Variants in COL12A1 observed in about 807,000 individuals in gnomAD.
COL12A1 encodes the protein collagen alpha-1(XII) chain.
In COL12A1, 114 loss-of-function variants were observed where a neutral mutation model predicts 349.7. That is an observed-to-expected ratio of 0.33 (90% CI 0.28 to 0.38). The LOEUF is 0.38. Among genes scored for constraint, COL12A1 ranks in the 10% least tolerant of loss-of-function variants. COL12A1 has a pLI of 1.00. For missense variants in COL12A1, 3,284 were observed against 3,756.9 expected (o/e 0.87, Z 3.29); for synonymous variants, 1,369 against 1,329.0 (o/e 1.03, Z -0.66).
At chr6:75,201,605 C>G (rs1165631968) in intron 2 of COL12A1, among the ~76,000 whole-genome samples, 2 of 151,360 alleles carry the variant, frequency 1.3e-5, no homozygotes, top group Non-Finnish European at 2.9e-5. Flanking sequence ...CCTCCCTTAA[C>G]TTCATCAGGG....
intron 59 of COL12A1, among the ~76,000 whole-genome samples, chr6:75,095,563 G>A (rs967762315): frequency 1.3e-5 from 2 of 148,872 alleles, no homozygotes; most frequent in South Asian, 2.1e-4. Context: ...CTTGCAGTGA[G>A]CCGAGATTGC....
chr6:75,108,991 C>A (rs767800132), intron 52 of COL12A1, 27 bp downstream of exon 52: 1 of 1,597,952 alleles, frequency 6.3e-7, no homozygotes, highest in Admixed American at 1.8e-5. Flanking sequence ...CACAAGGTAC[C>A]AAGAGAAATA....
chr6:75,124,398 T>C (rs563603881), intron 40 of COL12A1, 27 bp from the exon 41 acceptor site: 1 of 1,515,842 alleles, frequency 6.6e-7, no homozygotes, highest in Non-Finnish European at 9.0e-7. Flanking sequence ...GAAAGAGATT[T>C]ACTTTGTAAA....
rs1405479182 is a variant in COL12A1, at chr6:75,138,597, A to G, written c.5098-17T>C. ...TAAGATGGTCTTGGAGAAAGAGGAC[A>G]AAAACATACCCACGCAAAAGTAAGT... On this transcript the variant is annotated splice_polypyrimidine_tract_variant and intron_variant, in intron 28 of 65. Transcript: ENST00000322507. The G allele has an allele frequency of 6.2e-7, 1 of 1,612,030 alleles. No individual in the cohort carries two copies. The highest frequency in any genetic ancestry group is 8.5e-7 in the Non-Finnish European group (1 of 1,179,258).
rs1380463587 is a variant in COL12A1 at position 75,134,708 on chromosome 6, A to G, written c.5524+18T>C. 1 of 1,586,234 alleles carries G rather than the reference A, an allele frequency of 6.3e-7. No homozygotes were observed. The highest frequency in any genetic ancestry group is 1.3e-5 in the African/African-American group (1 of 74,628). ...TAGTAGCTATTAAAGAAGCTATAGG[A>G]ACTCAGGTTTCACTTACTGGTCTTG... is the stretch of plus-strand genomic sequence containing the variant. On this transcript the variant is annotated intron_variant, in intron 32 of 65. Transcript: ENST00000322507.
intron 49 of COL12A1, 132 bp downstream of exon 49, chr6:75,115,651 GA>G (rs1239301208): frequency 8.4e-7 from 1 of 1,186,158 alleles, no homozygotes; most frequent in Non-Finnish European, 1.2e-6. Context: ...CTGTATTTAA[GA>G]AAACCAATCA....
In COL12A1 at chr6:75,201,629, GA is replaced by G. The variant is rs199919591; in HGVS notation, c.73+1090del. ...ACTTCATCAGGGGTATTTCTTTACT[GA>G]AAAAAAAAAAAGATATCTTTCATGA... is the stretch of plus-strand genomic sequence containing the variant. On this transcript the variant is annotated intron_variant, in intron 2 of 65. Transcript: ENST00000322507. Among the ~76,000 whole-genome samples, 602 of 140,068 alleles carry G rather than the reference GA, an allele frequency of 4.3e-3. 3 individuals are homozygous for G. Among genetic ancestry groups the G allele is most frequent in the African/African-American group, 0.013 (503 of 38,684 alleles). The allele number at this position is 140,068 out of a possible 152,430, so 91.9% of individuals were successfully genotyped here.
Position 75,109,214 on chromosome 6 carries a change from A to G in COL12A1, c.7951-47T>C, listed in dbSNP as rs750342825. On this transcript the variant is annotated intron_variant, in intron 51 of 65. Coordinates refer to ENST00000322507, the MANE Select transcript of COL12A1 (RefSeq NM_004370.6). ...ATTATAAAATTTCTACACTAAAAAA[A>G]TTAGCTGACTCTGCATAGTTTAGAT... 6 of 1,359,184 alleles carry G rather than the reference A, an allele frequency of 4.4e-6. No individual in the cohort carries two copies. In the South Asian group the frequency reaches 8.0e-5, roughly 18 times the overall value. 84.2% of individuals were successfully genotyped at this position (1,359,184 alleles called of 1,614,324 possible). A position where few individuals can be genotyped will look rare whatever the true frequency, so the allele number is the denominator to read the frequency against.
At chr6:75,086,590 G>C in intron 65 of COL12A1, 33 bp from the exon 66 acceptor site, 1 of 1,579,084 alleles carries the variant, frequency 6.3e-7, no homozygotes, top group South Asian at 1.1e-5. Flanking sequence ...GTTTTTAAAA[G>C]TTGAATGACT....
intron 2 of COL12A1, among the ~76,000 whole-genome samples, chr6:75,195,731 T>C (rs1770192438): frequency 2.6e-5 from 4 of 152,168 alleles, no homozygotes; most frequent in Admixed American, 2.0e-4. Flanking sequence ...CCAACACTAT[T>C]ATTTCCTTTG....
At position 75,138,574 on chromosome 6, in the gene COL12A1, A is replaced by G. The variant is rs565333337; in HGVS notation, c.5104T>C (p.Leu1702=). The G allele has an allele frequency of 6.2e-7, 1 of 1,613,706 alleles. No homozygotes were observed. The highest frequency in any genetic ancestry group is 1.1e-5 in the South Asian group (1 of 90,970). The stretch of plus-strand genomic sequence containing the variant: ...ACCAAAGTGTTTTCATCTCCATTTA[A>G]GATGGTCTTGGAGAAAGAGGACAAA... ...FGSSDKMETI[L]NGDENTLVFE... is the part of the protein sequence containing the mutation. The change falls in exon 29 of 66, where the codon TTA becomes CTA. Residue 1702 remains leucine, a synonymous_variant. Transcript: ENST00000322507.
In COL12A1 at chr6:75,177,557, A is replaced by G. The variant is rs984149096; in HGVS notation, c.2437+106T>C. ...GACTATGGTCTAACATACTCAAACA[A>G]TTGAAACAAAGTGTCTCATTAGTTT... On this transcript the variant is annotated intron_variant, in intron 12 of 65. Transcript: ENST00000322507. 398 of 1,417,406 alleles carry G rather than the reference A, an allele frequency of 2.8e-4. 1 individual carries two copies. The highest frequency in any genetic ancestry group is 1.9e-3 in the Admixed American group (97 of 52,214). The allele number at this position is 1,417,406 out of a possible 1,614,324, so 87.8% of individuals were successfully genotyped here.
At chr6:75,185,127 A>G (rs1769542422) in intron 8 of COL12A1, among the ~76,000 whole-genome samples, 1 of 152,226 alleles carries the variant, frequency 6.6e-6, no homozygotes, top group Non-Finnish European at 1.5e-5. Context: ...GGCCAGAGCA[A>G]TCAAGCAAGA....
intron 14 of COL12A1, among the ~76,000 whole-genome samples, chr6:75,160,194 A>C (rs1767968143): frequency 6.6e-6 from 1 of 152,136 alleles, no homozygotes; most frequent in African/African-American, 2.4e-5. Context: ...AGTAACTATC[A>C]CCAGACACTT....
In COL12A1 at chr6:75,149,321, T is replaced by C. The variant is rs542749489; in HGVS notation, c.4148-824A>G. On this transcript the variant is annotated intron_variant, in intron 21 of 65. Transcript: ENST00000322507. ...TTATCATTTTGTTTCTATATACTCATGTCTTCTCTCCTTAACTAAAGGTTA... is the reference window on the plus strand; with the variant it reads ...TTATCATTTTGTTTCTATATACTCACGTCTTCTCTCCTTAACTAAAGGTTA... 4.6e-5 allele frequency among the ~76,000 whole-genome samples: 7 copies of C among 152,222 alleles called. No homozygotes were observed. In the South Asian group the frequency reaches 1.4e-3, roughly 32 times the overall value.
At chr6:75,159,654 T>A (rs1317336567) in intron 14 of COL12A1, among the ~76,000 whole-genome samples, 3 of 151,800 alleles carry the variant, frequency 2.0e-5, no homozygotes, top group Non-Finnish European at 4.4e-5. Flanking sequence ...TTTCTCATCT[T>A]TTGTTTCATC....
chr6:75,191,821 T>G, intron 4 of COL12A1, 61 bp from the exon 5 acceptor site: 1 of 1,067,422 alleles, frequency 9.4e-7, no homozygotes, highest in Non-Finnish European at 1.3e-6. Context: ...CTCTTTAAAA[T>G]AGAATAAATA....
chr6:75,123,526 A>T, intron 42 of COL12A1, 122 bp from the exon 43 acceptor site: 1 of 799,930 alleles, frequency 1.3e-6, no homozygotes, highest in Non-Finnish European at 2.0e-6. Context: ...ATGAGACACC[A>T]TTGTCATCGG....
chr6:75,158,288 A>G (rs1767857836), intron 14 of COL12A1, among the ~76,000 whole-genome samples: 1 of 152,126 alleles, frequency 6.6e-6, no homozygotes. Context: ...TGACTTTATA[A>G]GAAAAAAAGG....
Sources: gnomAD v4.1 joint callset for allele counts (sites outside exome capture counted in the v4.1 genomes callset) on GRCh38, gnomAD v4.1.1 for gene constraint, MANE v1.5 for transcripts, NCBI Gene and HGNC (gene_info 2026-07-23, HGNC 2026-07-21) for gene names.